Variants in NIPAL1 observed in about 807,000 individuals in gnomAD.
The protein encoded by NIPAL1 is magnesium transporter NIPA3.
Under a neutral mutation model 37.7 loss-of-function variants are expected in NIPAL1, and 35 were observed. That is an observed-to-expected ratio of 0.93 (90% CI 0.71 to 1.23). The LOEUF (loss-of-function observed/expected upper bound fraction) is 1.23. Among genes scored for constraint, NIPAL1 ranks in the 50% most tolerant of loss-of-function variants. NIPAL1 has a pLI of 0.00. For missense variants in NIPAL1, 412 were observed against 473.9 expected, an observed-to-expected ratio of 0.87 and a Z score of 1.21; for synonymous variants, 162 against 183.0, an observed-to-expected ratio of 0.89 and a Z score of 0.93.
chr4:48,033,824 C>A (rs2109372122), intron 4 of NIPAL1, among the ~76,000 whole-genome samples: 1 of 152,216 alleles, frequency 6.6e-6, no homozygotes, highest in East Asian at 1.9e-4. Context: ...AGTATAAAAC[C>A]TATGATTGAG....
At chr4:48,028,098 G>A (rs1715730796) in intron 2 of NIPAL1, among the ~76,000 whole-genome samples, 1 of 152,030 alleles carries the variant, frequency 6.6e-6, no homozygotes, top group African/African-American at 2.4e-5. Flanking sequence ...GGGATGACAT[G>A]GAAACATCAT....
At chr4:48,033,483 T>C (rs1041098424) in intron 4 of NIPAL1, among the ~76,000 whole-genome samples, 2 of 152,228 alleles carry the variant, frequency 1.3e-5, no homozygotes, top group Non-Finnish European at 2.9e-5. Context: ...GAAGATTTTT[T>C]AAATCTCTCA....
At chr4:48,023,424 T>C (rs1433140849) in intron 1 of NIPAL1, among the ~76,000 whole-genome samples, 1 of 152,202 alleles carries the variant, frequency 6.6e-6, no homozygotes, top group Non-Finnish European at 1.5e-5. Context: ...TGCTAAGACA[T>C]CATTTGATCA....
At chr4:48,020,584 G>A (rs1004748059) in intron 1 of NIPAL1, among the ~76,000 whole-genome samples, 7 of 152,340 alleles carry the variant, frequency 4.6e-5, no homozygotes, top group Middle Eastern at 3.4e-3. Flanking sequence ...TCTGCTCCAT[G>A]TGTCTTCATT....
chr4:48,035,762 C>T lies in NIPAL1; in HGVS notation c.823C>T (p.Leu275=). The T allele has an allele frequency of 1.2e-6, 2 of 1,614,182 alleles. No individual in the cohort carries two copies. Among genetic ancestry groups the T allele is most frequent in the Non-Finnish European group, 1.7e-6 (2 of 1,180,016 alleles). Residue 275 remains leucine, a synonymous_variant, in exon 6 of 6, where the codon CTG becomes TTG. Coordinates refer to ENST00000295461, the MANE Select transcript of NIPAL1 (RefSeq NM_207330.3). ...ATGGAAGCCAGTTTACAAACATCCG[C>T]TGGTCTTTGTTTTGCTGGCTGTACT... ...IEWKPVYKHP[L]VFVLLAVLVL...
chr4:48,033,108 CTTCTGTAGGTAT>C (rs769075565), intron 4 of NIPAL1, 25 bp downstream of exon 4: 2 of 1,421,636 alleles, frequency 1.4e-6, no homozygotes, highest in African/African-American at 2.8e-5. Flanking sequence ...GGGAACTTGG[CTTCTGTAGGTAT>C]TTTAAGACCA....
chr4:48,019,454 G>C (rs1451846429), intron 1 of NIPAL1, among the ~76,000 whole-genome samples: 1 of 152,216 alleles, frequency 6.6e-6, no homozygotes, highest in East Asian at 1.9e-4. Flanking sequence ...ATTTGATTGG[G>C]AACATATGAT....
chr4:48,031,167 C>T (rs934675545), intron 3 of NIPAL1, among the ~76,000 whole-genome samples: 8 of 151,992 alleles, frequency 5.3e-5, no homozygotes, highest in Non-Finnish European at 1.2e-4. Context: ...CAGTTTCAAG[C>T]GATTCTCCTG....
Position 48,035,056 on chromosome 4 carries a change from C to G in NIPAL1, c.622+15C>G. On this transcript the variant is annotated intron_variant, in intron 5 of 5. Coordinates refer to ENST00000295461, the MANE Select transcript of NIPAL1 (RefSeq NM_207330.3). ...GAGAGACCCAGGTCTGTGATTCAAC[C>G]TAAAGAACCACTCAAATTCTGCTCC... The G allele has an allele frequency of 7.5e-6, 12 of 1,606,248 alleles. No homozygotes were observed. Among genetic ancestry groups the G allele is most frequent in the Non-Finnish European group, 9.4e-6 (11 of 1,173,704 alleles).
chr4:48,020,373 G>A (rs924816204), intron 1 of NIPAL1, among the ~76,000 whole-genome samples: 1 of 152,170 alleles, frequency 6.6e-6, no homozygotes, highest in Non-Finnish European at 1.5e-5. Flanking sequence ...GTTAGCGTTT[G>A]GAGAATAAAT....
rs1167033136 is a variant in NIPAL1, at chr4:48,035,667, G to C, written c.728G>C (p.Cys243Ser). The change falls in exon 6 of 6, where the codon TGT (cysteine) becomes TCT (serine). Residue 243 changes from cysteine to serine, a missense_variant. Transcript: ENST00000295461. ...QTNILVYISICSLIGAFSVSS... is the reference protein window; with the variant it reads ...QTNILVYISISSLIGAFSVSS... ...AATATATTGGTTTATATTTCAATCT[G>C]TTCCTTGATTGGAGCGTTTTCAGTT... The C allele has an allele frequency of 6.2e-7, 1 of 1,613,744 alleles. No homozygotes were observed. Among genetic ancestry groups the C allele is most frequent in the Non-Finnish European group, 8.5e-7 (1 of 1,179,932 alleles).
At chr4:48,030,657 C>A (rs952833875) in intron 3 of NIPAL1, among the ~76,000 whole-genome samples, 1 of 152,194 alleles carries the variant, frequency 6.6e-6, no homozygotes, top group African/African-American at 2.4e-5. Flanking sequence ...TCAGCACTCT[C>A]CTTCCTCCCA....
intron 1 of NIPAL1, 37 bp downstream of exon 1, chr4:48,016,922 G>A (rs368093773): frequency 3.8e-5 from 59 of 1,570,066 alleles, no homozygotes; most frequent in Non-Finnish European, 4.8e-5. Flanking sequence ...CCTGGCAGCT[G>A]GGTGGCGAAG....
chr4:48,039,646 C>T lies in NIPAL1; in HGVS notation c.*3474C>T, dbSNP rs1357961544. Reference sequence around the variant, plus strand: ...GGTTATTTATTATAAGTTCAGATTGCACAATTTTCATAAGACCCTTTGGAT... The same window carrying T: ...GGTTATTTATTATAAGTTCAGATTGTACAATTTTCATAAGACCCTTTGGAT... On this transcript the variant is annotated 3_prime_UTR_variant, in exon 6 of 6. Transcript: ENST00000295461. The T allele has an allele frequency of 6.6e-6, 1 of 152,124 alleles. No homozygotes were observed. The highest frequency in any genetic ancestry group is 1.5e-5 in the Non-Finnish European group (1 of 68,018). The allele number at this position is 152,124 out of a possible 1,614,324, so 9.4% of individuals were successfully genotyped here. A position where few individuals can be genotyped will look rare whatever the true frequency, so the allele number is the denominator to read the frequency against.
Position 48,027,003 on chromosome 4 carries a change from C to T in NIPAL1, c.313+1669C>T, listed in dbSNP as rs1335417377. 3.3e-5 allele frequency among the ~76,000 whole-genome samples: 5 copies of T among 151,508 alleles called. No homozygotes were observed. The highest frequency in any genetic ancestry group is 7.4e-5 in the Non-Finnish European group (5 of 67,938). On this transcript the variant is annotated intron_variant, in intron 2 of 5. Transcript: ENST00000295461. The surrounding 1 kb of genome is among the most constrained non-coding windows in gnomAD (Gnocchi z 4.1). The stretch of plus-strand genomic sequence containing the variant: ...AAAGTGCTGGGATTACAGGTGTGAG[C>T]CACTGCGCCTGGCCAAAAAATGAAA...
chr4:48,033,689 T>C (rs2109372035), intron 4 of NIPAL1, among the ~76,000 whole-genome samples: 1 of 152,342 alleles, frequency 6.6e-6, no homozygotes, highest in African/African-American at 2.4e-5. Flanking sequence ...AATTTTCCTA[T>C]TTCATGGAAT....
rs201050376 is a variant in NIPAL1, at chr4:48,035,908, C to T, written c.969C>T (p.Ala323=). The stretch of plus-strand genomic sequence containing the variant: ...CATCCATGGTAGTGACTTGCTCTGC[C>T]ATCTTATTCCAAGAGTGGTATGGCA... ...FFTSMVVTCS[A]ILFQEWYGMT... Residue 323 remains alanine, a synonymous_variant, in exon 6 of 6, where the codon GCC becomes GCT. Transcript: ENST00000295461. 1.4e-5 allele frequency: 22 copies of T among 1,613,846 alleles called. No individual in the cohort carries two copies. The highest frequency in any genetic ancestry group is 1.9e-5 in the Non-Finnish European group (22 of 1,179,906).
intron 1 of NIPAL1, among the ~76,000 whole-genome samples, chr4:48,020,807 C>A (rs928168727): frequency 7.2e-5 from 11 of 152,160 alleles, no homozygotes; most frequent in African/African-American, 2.7e-4. Context: ...GAATAATAAT[C>A]CAAACTATCA....
rs182626350 is a variant in NIPAL1 at position 48,025,161 on chromosome 4, C to T, written c.140C>T (p.Thr47Met). The T allele has an allele frequency of 4.2e-4, 675 of 1,614,050 alleles. 1 individual carries two copies. The highest frequency in any genetic ancestry group is 2.0e-3 in the South Asian group (180 of 91,080). The change falls in exon 2 of 6, where the codon ACG becomes ATG. Residue 47 changes from threonine to methionine, a missense_variant. By Grantham distance (81) the Thr-to-Met change is moderately conservative. Coordinates refer to ENST00000295461, the MANE Select transcript of NIPAL1 (RefSeq NM_207330.3). ...CTGCTGGCTTCTCCTGTGCTCTACA[C>T]GGACCTGAATTACAGCATAAACAAC... The part of the protein sequence containing the change: ...SQLLASPVLY[T>M]DLNYSINNLS...
Sources: allele counts gnomAD v4.1 joint callset (sites outside exome capture counted in the v4.1 genomes callset), GRCh38; gene constraint gnomAD v4.1.1; non-coding constraint Gnocchi (gnomAD v3.1); transcripts MANE v1.5; gene names NCBI Gene and HGNC (gene_info 2026-07-23, HGNC 2026-07-21).